The following CAMTA1 variants were observed in gnomAD, a reference collection of about 807,000 sequenced individuals.
The protein encoded by CAMTA1 is calmodulin binding transcription activator 1.
A neutral mutation model predicts 170.9 loss-of-function variants in CAMTA1; 27 were observed. The observed-to-expected ratio is 0.16, with a 90% CI of 0.12 to 0.22. CAMTA1 has a LOEUF of 0.22. Ranked by LOEUF, CAMTA1 falls within the 10% of genes least tolerant of loss-of-function variation. The pLI is 1.00. For missense variants in CAMTA1, 1,619 were observed against 2,217.2 expected (o/e 0.73, Z 5.42); for synonymous variants, 833 against 891.5 (o/e 0.93, Z 1.17).
At chr1:7,579,379 C>T (rs897335357) in intron 6 of CAMTA1, among the ~76,000 whole-genome samples, 8 of 152,084 alleles carry the variant, frequency 5.3e-5, no homozygotes, top group African/African-American at 1.9e-4. Flanking sequence ...GGCATGGCAG[C>T]GTGGGCTTGG....
chr1:7,384,795 TC>T (rs1012771418), intron 5 of CAMTA1, among the ~76,000 whole-genome samples: 1 of 152,124 alleles, frequency 6.6e-6, no homozygotes, highest in African/African-American at 2.4e-5. Context: ...GGAGATGAGT[TC>T]CTGGCAAGGA....
intron 6 of CAMTA1, among the ~76,000 whole-genome samples, chr1:7,499,440 ATATGTATATGAGTGTGTGTGTG>A (rs1557822928): frequency 1.1e-4 from 2 of 17,398 alleles, no homozygotes; most frequent in East Asian, 7.0e-3. Context: ...CCTGGTGTGC[ATATGTATATGAGTGTGTGTGTG>A]TGCATGTGTG....
intron 3 of CAMTA1, among the ~76,000 whole-genome samples, chr1:7,043,077 A>G (rs1188447728): frequency 6.6e-6 from 1 of 152,260 alleles, no homozygotes; most frequent in East Asian, 1.9e-4. Context: ...TCACTTGTGG[A>G]AGGTCTGCCC....
chr1:7,263,166 A>G (rs1364784955), intron 5 of CAMTA1, among the ~76,000 whole-genome samples: 2 of 152,138 alleles, frequency 1.3e-5, no homozygotes, highest in Non-Finnish European at 2.9e-5. Flanking sequence ...TTCATTATGT[A>G]TAGTAACTTC....
At chr1:6,809,472 G>T (rs779102765) in intron 1 of CAMTA1, among the ~76,000 whole-genome samples, 1 of 152,146 alleles carries the variant, frequency 6.6e-6, no homozygotes, top group Non-Finnish European at 1.5e-5. Flanking sequence ...AAGGGAGGGA[G>T]CCTTGGTGCT....
chr1:6,905,940 CCTGCAGCTCCCACACACGCCT>C (rs1481532799), intron 3 of CAMTA1, among the ~76,000 whole-genome samples: 1 of 152,142 alleles, frequency 6.6e-6, no homozygotes, highest in African/African-American at 2.4e-5. Context: ...TGGTTCTGTG[CCTGCAGCTCCCACACACGCCT>C]CTGCTCCTTC....
In CAMTA1 at chr1:7,245,957, T is replaced by G. The variant is rs543412148; in HGVS notation, c.303-3534T>G. Among the ~76,000 whole-genome samples the G allele has an allele frequency of 4.6e-5, 7 of 152,224 alleles. No individual in the cohort carries two copies. The East Asian group carries it at 1.2e-3, about 25-fold the overall frequency. Reference sequence around the variant, plus strand: ...CTAACAAGCAGAGGGGAGTTTCACATAGGGCACTCAGAGCGACCCCCTCCA... The same window carrying G: ...CTAACAAGCAGAGGGGAGTTTCACAGAGGGCACTCAGAGCGACCCCCTCCA... On this transcript the variant is annotated intron_variant, in intron 4 of 22. Transcript: ENST00000303635.
At chr1:7,336,514 A>G (rs1395807658) in intron 5 of CAMTA1, among the ~76,000 whole-genome samples, 1 of 152,222 alleles carries the variant, frequency 6.6e-6, no homozygotes, top group Non-Finnish European at 1.5e-5. Flanking sequence ...CCCTGCTTCC[A>G]TGACCACCCT....
intron 3 of CAMTA1, among the ~76,000 whole-genome samples, chr1:6,980,734 G>C (rs1694296781): frequency 6.6e-6 from 1 of 152,110 alleles, no homozygotes; most frequent in Admixed American, 6.5e-5. Context: ...TCCTTTGCTT[G>C]CCACCATGCG....
chr1:7,396,697 A>G (rs1179669177), intron 5 of CAMTA1, among the ~76,000 whole-genome samples: 1 of 152,200 alleles, frequency 6.6e-6, no homozygotes, highest in Non-Finnish European at 1.5e-5. Flanking sequence ...AAAGAGTTGT[A>G]TGATGAAGGG....
intron 6 of CAMTA1, among the ~76,000 whole-genome samples, chr1:7,500,383 A>G (rs1050072368): frequency 4.1e-5 from 6 of 147,762 alleles, no homozygotes; most frequent in Non-Finnish European, 7.5e-5. Flanking sequence ...GTGTGTGTGC[A>G]TGTGTGTCCG....
chr1:7,614,228 G>A (rs1255947754), intron 6 of CAMTA1, among the ~76,000 whole-genome samples: 1 of 152,080 alleles, frequency 6.6e-6, no homozygotes, highest in East Asian at 1.9e-4. Context: ...ATGAGTTGGG[G>A]TCAAAGGCGG....
chr1:7,498,715 G>T (rs565568476), intron 6 of CAMTA1, among the ~76,000 whole-genome samples: 4 of 151,314 alleles, frequency 2.6e-5, no homozygotes, highest in South Asian at 4.2e-4. Flanking sequence ...GTGCACATGG[G>T]TGTACATGAG....
chr1:6,839,898 G>A (rs754853176), intron 3 of CAMTA1, among the ~76,000 whole-genome samples: 2 of 152,152 alleles, frequency 1.3e-5, no homozygotes, highest in African/African-American at 2.4e-5. Flanking sequence ...TGCCAAGTAG[G>A]CATAAAGAGT....
At chr1:7,178,702 A>C (rs1292068287) in intron 4 of CAMTA1, among the ~76,000 whole-genome samples, 1 of 152,126 alleles carries the variant, frequency 6.6e-6, no homozygotes, top group Non-Finnish European at 1.5e-5. Context: ...AGCTAGAGGG[A>C]GAAGGGCACT....
Position 7,532,522 on chromosome 1 carries a change from G to A in CAMTA1, c.510+64621G>A, listed in dbSNP as rs1312251088. Among the ~76,000 whole-genome samples, 1 of 152,000 alleles carries A rather than the reference G, an allele frequency of 6.6e-6. No individual in the cohort carries two copies. The highest frequency in any genetic ancestry group is 2.4e-5 in the African/African-American group (1 of 41,364). ...TTACCATGTTGCCCAGGTTGGTCTT[G>A]AACTCCTGGGCTCAATCAATCCTCC... is the stretch of plus-strand genomic sequence containing the variant. On this transcript the variant is annotated intron_variant, in intron 6 of 22. Transcript: ENST00000303635. This position sits in a 1 kb window ranked among gnomAD's most constrained non-coding sequence, Gnocchi z 4.2.
At chr1:7,594,100 G>GAAGAAAGAAAGAGAGA (rs1313239145) in intron 6 of CAMTA1, among the ~76,000 whole-genome samples, 2 of 128,912 alleles carry the variant, frequency 1.6e-5, no homozygotes, top group African/African-American at 8.4e-5. Context: ...AGAGAGGAAA[G>GAAGAAAGAAAGAGAGA]AAGAAAGAAA....
chr1:7,500,091 A>ATGAG (rs2093963509), intron 6 of CAMTA1, among the ~76,000 whole-genome samples: 3 of 101,818 alleles, frequency 2.9e-5, no homozygotes, highest in South Asian at 3.6e-4. Context: ...ATGTGTGTCC[A>ATGAG]TGAGTGTGTA....
intron 5 of CAMTA1, among the ~76,000 whole-genome samples, chr1:7,466,536 G>A (rs1198112532): frequency 1.3e-5 from 2 of 152,196 alleles, no homozygotes; most frequent in South Asian, 2.1e-4. Context: ...GTAAATAATA[G>A]CTGATGAAAG....
Sources: gnomAD v4.1 joint callset for allele counts (sites outside exome capture counted in the v4.1 genomes callset) on GRCh38, gnomAD v4.1.1 for gene constraint, Gnocchi (gnomAD v3.1) non-coding constraint, MANE v1.5 for transcripts, NCBI Gene and HGNC (gene_info 2026-07-23, HGNC 2026-07-21) for gene names.